LDLRAD3: variants seen among roughly 807,000 people sequenced by gnomAD.
LDLRAD3 encodes the protein low-density lipoprotein receptor class A domain-containing protein 3.
In LDLRAD3, 20 loss-of-function variants were observed where a neutral mutation model predicts 29.4. The observed-to-expected ratio is 0.68, with a 90% CI of 0.48 to 0.99. LDLRAD3 has a LOEUF of 0.99. Among genes scored for constraint, LDLRAD3 ranks in the 50% least tolerant of loss-of-function variants. The pLI, the probability that LDLRAD3 is intolerant of heterozygous loss-of-function variation, is 0.00. For missense variants in LDLRAD3, 420 were observed against 454.3 expected (o/e 0.92, Z 0.69); for synonymous variants, 157 against 192.7 (o/e 0.81, Z 1.53).
chr11:35,952,570 A>G (rs1467892933), intron 1 of LDLRAD3, among the ~76,000 whole-genome samples: 1 of 152,234 alleles, frequency 6.6e-6, no homozygotes, highest in Non-Finnish European at 1.5e-5. Context: ...AAGTTATTTC[A>G]GCACCATGAC....
At chr11:36,174,127 T>G (rs964066637) in intron 4 of LDLRAD3, among the ~76,000 whole-genome samples, 1 of 152,158 alleles carries the variant, frequency 6.6e-6, no homozygotes, top group Non-Finnish European at 1.5e-5. Context: ...GATTCCCTAT[T>G]TAATAAATGG....
intron 4 of LDLRAD3, among the ~76,000 whole-genome samples, chr11:36,181,541 G>T (rs969002430): frequency 1.3e-5 from 2 of 152,128 alleles, no homozygotes; most frequent in Non-Finnish European, 2.9e-5. Flanking sequence ...CCAAAGTCCA[G>T]ACCGTCCCTG....
At chr11:36,109,709 A>G (rs1339545651) in intron 4 of LDLRAD3, among the ~76,000 whole-genome samples, 1 of 151,904 alleles carries the variant, frequency 6.6e-6, no homozygotes, top group Non-Finnish European at 1.5e-5. Context: ...GAGAAGTGCT[A>G]ATTTTAGTTT....
chr11:35,982,646 G>A (rs1851556200), intron 1 of LDLRAD3, among the ~76,000 whole-genome samples: 1 of 152,148 alleles, frequency 6.6e-6, no homozygotes, highest in South Asian at 2.1e-4. Flanking sequence ...TCAAGGGCAT[G>A]TCTGGGTAGC....
intron 4 of LDLRAD3, among the ~76,000 whole-genome samples, chr11:36,121,014 ATGTT>A (rs2133295976): frequency 6.6e-6 from 1 of 152,172 alleles, no homozygotes; most frequent in Non-Finnish European, 1.5e-5. Context: ...GGAGGAATAA[ATGTT>A]TGTTGTTCAC....
intron 1 of LDLRAD3, among the ~76,000 whole-genome samples, chr11:35,994,336 CAAAAAAAAA>C (rs36041385): frequency 2.0e-5 from 1 of 49,036 alleles, no homozygotes; most frequent in Non-Finnish European, 3.9e-5. Context: ...GACTTTGTCT[CAAAAAAAAA>C]AAAAAAAAAA....
rs536670412 is a variant in LDLRAD3 at position 36,187,143 on chromosome 11, C to T, written c.455-39942C>T. ...TTCCTATTACCTTTACTTCTTTTCT[C>T]AGATCCTAGGGTTTTTTTTACTCTT... On this transcript the variant is annotated intron_variant, in intron 4 of 5. Coordinates refer to ENST00000315571, the MANE Select transcript of LDLRAD3 (RefSeq NM_174902.4). 2.6e-5 allele frequency among the ~76,000 whole-genome samples: 4 copies of T among 152,266 alleles called. No homozygotes were observed. The South Asian group carries it at 8.3e-4, about 32-fold the overall frequency.
intron 4 of LDLRAD3, among the ~76,000 whole-genome samples, chr11:36,195,535 T>G (rs192309011): frequency 4.0e-3 from 610 of 152,294 alleles, no homozygotes; most frequent in Non-Finnish European, 6.5e-3. Flanking sequence ...TAGCTTTTCA[T>G]GATTAAGGCT....
At chr11:36,164,271 C>A (rs1015626987) in intron 4 of LDLRAD3, among the ~76,000 whole-genome samples, 3 of 152,240 alleles carry the variant, frequency 2.0e-5, no homozygotes, top group Non-Finnish European at 4.4e-5. Flanking sequence ...CTGCCTGCTG[C>A]TGATGCTGTT....
At chr11:36,185,094 G>A (rs968855739) in intron 4 of LDLRAD3, among the ~76,000 whole-genome samples, 4 of 152,060 alleles carry the variant, frequency 2.6e-5, no homozygotes, top group South Asian at 2.1e-4. Flanking sequence ...TATATAGCTC[G>A]CCATATTACT....
chr11:36,123,753 G>C (rs533177566), intron 4 of LDLRAD3, among the ~76,000 whole-genome samples: 4 of 152,330 alleles, frequency 2.6e-5, no homozygotes, highest in Admixed American at 2.6e-4. Context: ...GTCCAGCCAG[G>C]CTGTGGCACA....
chr11:36,222,093 A>G (rs1410372698), intron 4 of LDLRAD3, among the ~76,000 whole-genome samples: 2 of 152,168 alleles, frequency 1.3e-5, no homozygotes, highest in Non-Finnish European at 2.9e-5. Context: ...TTTTAGAGAC[A>G]GGGTCTCGCT....
At chr11:36,182,325 C>A (rs866366460) in intron 4 of LDLRAD3, among the ~76,000 whole-genome samples, 18 of 152,016 alleles carry the variant, frequency 1.2e-4, no homozygotes, top group African/African-American at 4.4e-4. Flanking sequence ...GTGCTTATCA[C>A]CAAGAGGTAT....
At chr11:36,072,870 A>T (rs1852930609) in intron 2 of LDLRAD3, among the ~76,000 whole-genome samples, 1 of 152,134 alleles carries the variant, frequency 6.6e-6, no homozygotes. Flanking sequence ...TCTCACGTGG[A>T]CCCCAAATAT....
Position 36,041,722 on chromosome 11 carries a change from C to G in LDLRAD3, c.193+5473C>G, listed in dbSNP as rs572192568. Among the ~76,000 whole-genome samples the G allele has an allele frequency of 2.0e-5, 3 of 152,294 alleles. No individual in the cohort carries two copies. In the South Asian group the frequency reaches 6.2e-4, roughly 32 times the overall value. On this transcript the variant is annotated intron_variant, in intron 2 of 5. Transcript: ENST00000315571. ...GTTCTGTGTTGATTTTAGCTGCTGT[C>G]TCTCCGTGTTCTAACCAAGTGGTTG...
At chr11:36,076,592 T>A (rs1349972583) in intron 2 of LDLRAD3, among the ~76,000 whole-genome samples, 1 of 152,214 alleles carries the variant, frequency 6.6e-6, no homozygotes, top group Non-Finnish European at 1.5e-5. Flanking sequence ...TTCACCATCT[T>A]GGCCAGGCTG....
chr11:35,999,595 C>T (rs1172759465), intron 1 of LDLRAD3, among the ~76,000 whole-genome samples: 1 of 152,160 alleles, frequency 6.6e-6, no homozygotes, highest in Non-Finnish European at 1.5e-5. Flanking sequence ...TGTCCACGAC[C>T]TGCCCAATCC....
chr11:36,068,127 C>G (rs1023299198), intron 2 of LDLRAD3, among the ~76,000 whole-genome samples: 1 of 152,078 alleles, frequency 6.6e-6, no homozygotes, highest in Non-Finnish European at 1.5e-5. Context: ...ATTCTTGCAG[C>G]CCCCACACTT....
intron 2 of LDLRAD3, among the ~76,000 whole-genome samples, chr11:36,073,405 C>G (rs1317744239): frequency 6.6e-6 from 1 of 152,266 alleles, no homozygotes; most frequent in Non-Finnish European, 1.5e-5. Flanking sequence ...GCTTTAAAGA[C>G]AGGCAGGGTC....
Sources: allele counts gnomAD v4.1 joint callset (sites outside exome capture counted in the v4.1 genomes callset), GRCh38; gene constraint gnomAD v4.1.1; transcripts MANE v1.5; gene names NCBI Gene and HGNC (gene_info 2026-07-23, HGNC 2026-07-21).